SIL1: variants seen among roughly 807,000 people sequenced by gnomAD.
SIL1 encodes the protein nucleotide exchange factor SIL1.
Under a neutral mutation model 49.1 loss-of-function variants are expected in SIL1, and 40 were observed. The observed-to-expected ratio is 0.81, with a 90% CI of 0.63 to 1.06. SIL1 has a LOEUF of 1.06. Among genes scored for constraint, SIL1 ranks in the 50% least tolerant of loss-of-function variants. SIL1 has a pLI of 0.00. For synonymous variants in SIL1, 253 were observed against 250.8 expected (o/e 1.01, Z -0.08); for missense variants, 500 against 572.6 (o/e 0.87, Z 1.29).
intron 7 of SIL1, among the ~76,000 whole-genome samples, chr5:138,977,254 T>C (rs1180184984): frequency 3.3e-5 from 5 of 152,190 alleles, no homozygotes; most frequent in African/African-American, 4.8e-5. Flanking sequence ...TCTGACTCTA[T>C]ATCCTAATCT....
At chr5:139,035,423 C>T (rs2150439927) in intron 5 of SIL1, 1 of 540,622 alleles carries the variant, frequency 1.8e-6, no homozygotes, top group East Asian at 4.8e-5. Flanking sequence ...AGGCAGAAGG[C>T]ACTGCCTCAA....
chr5:139,127,209 T>C (rs539668113), intron 2 of SIL1, among the ~76,000 whole-genome samples: 1 of 152,180 alleles, frequency 6.6e-6, no homozygotes, highest in African/African-American at 2.4e-5. Context: ...GGAGATGAAC[T>C]GAGAAAGTAC....
intron 1 of SIL1, among the ~76,000 whole-genome samples, chr5:139,138,375 C>T (rs968787644): frequency 2.0e-5 from 3 of 152,206 alleles, no homozygotes; most frequent in African/African-American, 7.2e-5. Flanking sequence ...TCTGTACTTT[C>T]CAGTAGGTCC....
At chr5:139,146,615 C>A (rs900412003) in intron 1 of SIL1, among the ~76,000 whole-genome samples, 4 of 152,010 alleles carry the variant, frequency 2.6e-5, no homozygotes, top group African/African-American at 4.8e-5. Flanking sequence ...AAAAAAATAT[C>A]TTTTCTGTAG....
intron 6 of SIL1, chr5:139,021,687 T>G (rs1190952745): frequency 1.0e-5 from 3 of 289,612 alleles, no homozygotes; most frequent in African/African-American, 6.6e-5. Context: ...CCAATCCCAA[T>G]GGGGACAGTG....
At chr5:139,126,801 ATTG>A (rs1417972000) in intron 2 of SIL1, among the ~76,000 whole-genome samples, 1 of 152,250 alleles carries the variant, frequency 6.6e-6, no homozygotes, top group Non-Finnish European at 1.5e-5. Context: ...GCTAAGCTGG[ATTG>A]TTATTAAATT....
intron 7 of SIL1, among the ~76,000 whole-genome samples, chr5:138,978,886 G>C (rs550198415): frequency 6.6e-6 from 1 of 151,952 alleles, no homozygotes; most frequent in Non-Finnish European, 1.5e-5. Context: ...TTGTTGAATT[G>C]TAGGAGTTTT....
At chr5:139,075,652 G>C (rs922024088) in intron 3 of SIL1, among the ~76,000 whole-genome samples, 1 of 152,190 alleles carries the variant, frequency 6.6e-6, no homozygotes, top group Non-Finnish European at 1.5e-5. Context: ...GTGTGTTTAT[G>C]GGGAATAAAT....
chr5:139,115,582 A>T (rs1028747222), intron 3 of SIL1, among the ~76,000 whole-genome samples: 8 of 152,200 alleles, frequency 5.3e-5, no homozygotes, highest in African/African-American at 1.9e-4. Flanking sequence ...CCTCCATAAA[A>T]GCCCTGAAAC....
chr5:139,172,631 CAAA>C (rs57237412), intron 1 of SIL1, among the ~76,000 whole-genome samples: 3 of 109,344 alleles, frequency 2.7e-5, no homozygotes, highest in Non-Finnish European at 3.6e-5. Flanking sequence ...GACTCCGTCT[CAAA>C]AAAAAAAAAA....
intron 7 of SIL1, among the ~76,000 whole-genome samples, chr5:138,952,387 A>G (rs1193619121): frequency 6.6e-6 from 1 of 152,238 alleles, no homozygotes; most frequent in East Asian, 1.9e-4. Context: ...CTCAGACTGC[A>G]CATAGAAAAT....
At chr5:138,990,869 T>A (rs1302728857) in intron 7 of SIL1, among the ~76,000 whole-genome samples, 1 of 152,196 alleles carries the variant, frequency 6.6e-6, no homozygotes, top group Non-Finnish European at 1.5e-5. Flanking sequence ...GCACCCATCA[T>A]CACATCTGTC....
chr5:139,159,857 A>G (rs1751475826), intron 1 of SIL1, among the ~76,000 whole-genome samples: 1 of 152,240 alleles, frequency 6.6e-6, no homozygotes, highest in Non-Finnish European at 1.5e-5. Flanking sequence ...TCAGGATTTA[A>G]GAAAGAAGAG....
chr5:139,085,294 G>A (rs143668614), intron 3 of SIL1, among the ~76,000 whole-genome samples: 1,824 of 152,238 alleles, frequency 0.012, 35 homozygotes, highest in African/African-American at 0.04. Flanking sequence ...GGGGGAGGTC[G>A]TGGGGCCTCA....
chr5:139,127,660 C>G, intron 2 of SIL1, 79 bp downstream of exon 2: 1 of 1,173,588 alleles, frequency 8.5e-7, no homozygotes, highest in Non-Finnish European at 1.2e-6. Context: ...ACACCCTACT[C>G]CCACAACAGC....
intron 1 of SIL1, among the ~76,000 whole-genome samples, chr5:139,169,607 G>A (rs1199811736): frequency 3.3e-5 from 5 of 149,294 alleles, no homozygotes; most frequent in Admixed American, 6.7e-5. Flanking sequence ...TCAGCCTCCC[G>A]AGTAGCTGGG....
intron 5 of SIL1, among the ~76,000 whole-genome samples, chr5:139,039,911 C>A (rs1323443803): frequency 1.3e-5 from 2 of 152,136 alleles, no homozygotes; most frequent in African/African-American, 4.8e-5. Flanking sequence ...GGAGAGACAG[C>A]TTTTCCAAGA....
chr5:139,127,687 C>A (rs956043980), intron 2 of SIL1, 52 bp downstream of exon 2: 11 of 1,418,778 alleles, frequency 7.8e-6, no homozygotes, highest in Non-Finnish European at 1.1e-5. Context: ...GACAGGGAGG[C>A]CTTCTCAAGA....
intron 5 of SIL1, chr5:139,035,541 A>AG: frequency 2.0e-6 from 1 of 507,868 alleles, no homozygotes; most frequent in South Asian, 1.5e-5. Context: ...AGACAGACCC[A>AG]GGGGGCCAAT....
Sources: gnomAD v4.1 joint callset for allele counts (sites outside exome capture counted in the v4.1 genomes callset) on GRCh38, gnomAD v4.1.1 for gene constraint, MANE v1.5 for transcripts, NCBI Gene and HGNC (gene_info 2026-07-23, HGNC 2026-07-21) for gene names.